Variants in MED13L observed in about 807,000 individuals in gnomAD.
MED13L encodes the protein mediator complex subunit 13L.
A neutral mutation model predicts 220.9 loss-of-function variants in MED13L; 7 were observed. The ratio of observed to expected loss-of-function variants is 0.03; its 90% CI spans 0.02 to 0.06. The LOEUF is 0.06. Ranked by LOEUF, MED13L falls within the 10% of genes least tolerant of loss-of-function variation. MED13L has a pLI of 1.00. For synonymous variants in MED13L, 1,011 were observed against 1,015.2 expected (o/e 1.00, Z 0.08); for missense variants, 1,965 against 2,760.5 (o/e 0.71, Z 6.46).
chr12:116,238,149 C>CT (rs904810649), intron 1 of MED13L, among the ~76,000 whole-genome samples: 6 of 151,998 alleles, frequency 3.9e-5, no homozygotes, highest in Non-Finnish European at 7.4e-5. Context: ...AGTTTAAGTC[C>CT]TTTTTTAATT....
At chr12:116,180,815 C>T (rs571870502) in intron 2 of MED13L, among the ~76,000 whole-genome samples, 11 of 152,166 alleles carry the variant, frequency 7.2e-5, no homozygotes, top group African/African-American at 2.7e-4. Flanking sequence ...TCTAAAGTAT[C>T]AATTAAATCT....
At chr12:116,033,986 C>G (rs1176251274) in intron 4 of MED13L, among the ~76,000 whole-genome samples, 1 of 152,088 alleles carries the variant, frequency 6.6e-6, no homozygotes, top group East Asian at 1.9e-4. Flanking sequence ...AGACTGAACG[C>G]TCTCTGTGAG....
intron 4 of MED13L, among the ~76,000 whole-genome samples, chr12:116,071,359 T>G (rs990035291): frequency 6.6e-6 from 1 of 152,258 alleles, no homozygotes; most frequent in South Asian, 2.1e-4. Flanking sequence ...GGTGAAACAT[T>G]AATTCCACAT....
chr12:116,276,951 A>G, intron 1 of MED13L, 109 bp downstream of exon 1: 1 of 1,222,958 alleles, frequency 8.2e-7, no homozygotes, highest in Non-Finnish European at 1.2e-6. Flanking sequence ...GGGAGACGCG[A>G]GGGAGGGGCG....
At chr12:116,249,322 A>G (rs1871319581) in intron 1 of MED13L, among the ~76,000 whole-genome samples, 3 of 152,240 alleles carry the variant, frequency 2.0e-5, no homozygotes, top group Admixed American at 1.3e-4. Context: ...TCAGAAAAAA[A>G]GTATGCTAAT....
At chr12:116,141,094 C>T (rs1298691845) in intron 2 of MED13L, among the ~76,000 whole-genome samples, 1 of 152,152 alleles carries the variant, frequency 6.6e-6, no homozygotes, top group Non-Finnish European at 1.5e-5. Context: ...GAATTCAACA[C>T]AGAGATCAAG....
intron 2 of MED13L, among the ~76,000 whole-genome samples, chr12:116,178,380 A>C (rs1474741220): frequency 6.6e-6 from 1 of 152,196 alleles, no homozygotes; most frequent in East Asian, 1.9e-4. Context: ...CAGAGTCCTA[A>C]GGACTTGCGG....
At chr12:116,143,437 T>A (rs1192747256) in intron 2 of MED13L, among the ~76,000 whole-genome samples, 1 of 152,118 alleles carries the variant, frequency 6.6e-6, no homozygotes, top group East Asian at 1.9e-4. Flanking sequence ...TCTACTTAGA[T>A]CCCAATTCAT....
At chr12:116,124,142 GAGAGAGAGAC>G (rs1378876292) in intron 2 of MED13L, among the ~76,000 whole-genome samples, 1 of 115,652 alleles carries the variant, frequency 8.6e-6, no homozygotes, top group Admixed American at 9.3e-5. Context: ...GAGAGAGAGA[GAGAGAGAGAC>G]AGAGACAGAG....
intron 4 of MED13L, among the ~76,000 whole-genome samples, chr12:116,069,119 C>T (rs192270876): frequency 6.4e-4 from 98 of 152,274 alleles, no homozygotes; most frequent in African/African-American, 2.1e-3. Flanking sequence ...GCAGTCTATA[C>T]GCCAGAAACA....
intron 2 of MED13L, among the ~76,000 whole-genome samples, chr12:116,161,377 T>C (rs1330765139): frequency 6.6e-6 from 1 of 152,106 alleles, no homozygotes; most frequent in Non-Finnish European, 1.5e-5. Context: ...TTTGGAAATA[T>C]ATATATATAC....
At chr12:115,978,318 T>G (rs1294505199) in intron 23 of MED13L, among the ~76,000 whole-genome samples, 2 of 149,672 alleles carry the variant, frequency 1.3e-5, no homozygotes, top group African/African-American at 5.0e-5. Flanking sequence ...AACTGTACAA[T>G]TTTTTTTCTT....
At chr12:116,215,288 T>C (rs1243541518) in intron 2 of MED13L, among the ~76,000 whole-genome samples, 1 of 152,212 alleles carries the variant, frequency 6.6e-6, no homozygotes, top group African/African-American at 2.4e-5. Context: ...GACAAAACCA[T>C]ATTACATCCT....
chr12:116,117,590 TA>T (rs1374225468), intron 2 of MED13L, among the ~76,000 whole-genome samples: 1 of 151,954 alleles, frequency 6.6e-6, no homozygotes, highest in African/African-American at 2.4e-5. Flanking sequence ...ACTCTAAATT[TA>T]TATATAAAAA....
chr12:116,139,066 CAAG>C (rs893401736), intron 2 of MED13L, among the ~76,000 whole-genome samples: 32 of 152,074 alleles, frequency 2.1e-4, no homozygotes, highest in Non-Finnish European at 7.4e-5. Context: ...TAAAAGTGGT[CAAG>C]AAGAGACTGG....
At chr12:115,967,796 AAT>A (rs1179240896) in intron 28 of MED13L, among the ~76,000 whole-genome samples, 4 of 152,202 alleles carry the variant, frequency 2.6e-5, no homozygotes, top group African/African-American at 9.6e-5. Context: ...ACTTTAAAAA[AAT>A]AGACAATGTA....
intron 2 of MED13L, among the ~76,000 whole-genome samples, chr12:116,145,358 A>G (rs1197748863): frequency 2.6e-5 from 4 of 152,234 alleles, no homozygotes; most frequent in African/African-American, 7.2e-5. Flanking sequence ...GTATTCTGGA[A>G]CCGAGCCCAG....
intron 25 of MED13L, among the ~76,000 whole-genome samples, chr12:115,973,473 T>C (rs1360151728): frequency 6.6e-6 from 1 of 152,148 alleles, no homozygotes; most frequent in African/African-American, 2.4e-5. Context: ...AGTCACACAT[T>C]CCTCTCCACT....
chr12:115,986,062 TC>T (rs1472963450), intron 19 of MED13L, among the ~76,000 whole-genome samples: 2 of 152,190 alleles, frequency 1.3e-5, no homozygotes, highest in Non-Finnish European at 2.9e-5. Flanking sequence ...GGGAACGTTT[TC>T]TAAATCTAAC....
Sources: allele counts gnomAD v4.1 joint callset (sites outside exome capture counted in the v4.1 genomes callset), GRCh38; gene constraint gnomAD v4.1.1; transcripts MANE v1.5; gene names NCBI Gene and HGNC (gene_info 2026-07-23, HGNC 2026-07-21).